The following NLRP5 variants were observed in gnomAD, a reference collection of about 807,000 sequenced individuals.
NLRP5 encodes NACHT, LRR and PYD domains-containing protein 5.
NLRP5 carries 93 observed loss-of-function variants against 113.1 expected under a neutral mutation model. The observed-to-expected ratio is 0.82, with a 90% CI of 0.70 to 0.98. The LOEUF (loss-of-function observed/expected upper bound fraction) is 0.98, where lower values mean the gene tolerates loss of function less well. Ranked by LOEUF, NLRP5 falls within the 50% of genes least tolerant of loss-of-function variation. NLRP5 has a pLI of 0.00. For synonymous variants in NLRP5, 751 were observed against 600.7 expected (o/e 1.25, Z -3.66); for missense variants, 1,808 against 1,514.3 (o/e 1.19, Z -3.22).
At position 56,031,492 on chromosome 19, in the gene NLRP5, A is replaced by G. The variant is rs948800206; in HGVS notation, c.2277-1119A>G. Among the ~76,000 whole-genome samples the G allele has an allele frequency of 1.4e-3, 215 of 152,036 alleles. 1 individual carries two copies. The highest frequency in any genetic ancestry group is 4.9e-3 in the African/African-American group (203 of 41,482). ...AAAAAAATACAAAAATTAGCCAGGC[A>G]TGGTGGTGGGCACCTGTAATCTCAG... is the stretch of plus-strand genomic sequence containing the variant. On this transcript the variant is annotated intron_variant, in intron 7 of 14. Coordinates refer to ENST00000390649, the MANE Select transcript of NLRP5 (RefSeq NM_153447.4).
At position 56,055,533 on chromosome 19, in the gene NLRP5, C is replaced by CTTTT. The variant is rs1491011983; in HGVS notation, c.3299+1726_3299+1727insTTTT. Among the ~76,000 whole-genome samples the CTTTT allele has an allele frequency of 7.6e-3, 759 of 99,486 alleles. 18 individuals carry two copies. Among genetic ancestry groups the CTTTT allele is most frequent in the Middle Eastern group, 0.015 (2 of 132 alleles). 65.3% of individuals were successfully genotyped at this position (99,486 alleles called of 152,430 possible). Reference sequence around the variant, plus strand: ...AGCTCCATGTTCTATTTTTCTTTCTCTGTCTTTTTTTTTTTTTTTTTTTTT... The same window carrying CTTTT: ...AGCTCCATGTTCTATTTTTCTTTCTCTTTTTGTCTTTTTTTTTTTTTTTTTTTTT... On this transcript the variant is annotated intron_variant, in intron 13 of 14. Transcript: ENST00000390649.
rs773991456 is a variant in NLRP5 at position 56,061,567 on chromosome 19, A to G, written c.*39A>G. On this transcript the variant is annotated 3_prime_UTR_variant, in exon 15 of 15. Coordinates refer to ENST00000390649, the MANE Select transcript of NLRP5 (RefSeq NM_153447.4). ...TGCCCCACTCACACCCATCTGATGG[A>G]GGAACTTTAAACGCTGTTTTCTCAG... 10 of 1,611,336 alleles carry G rather than the reference A, an allele frequency of 6.2e-6. No homozygotes were observed. In the Admixed American group the frequency reaches 1.3e-4, roughly 22 times the overall value.
At chr19:56,005,603 C>T (rs952481306) in intron 2 of NLRP5, among the ~76,000 whole-genome samples, 14 of 145,806 alleles carry the variant, frequency 9.6e-5, no homozygotes, top group Non-Finnish European at 1.9e-4. Context: ...AGGTGGCATG[C>T]CTGTACACAC....
At chr19:56,053,179 T>G (rs1052569675) in intron 12 of NLRP5, among the ~76,000 whole-genome samples, 1 of 152,120 alleles carries the variant, frequency 6.6e-6, no homozygotes, top group African/African-American at 2.4e-5. Context: ...GCGGATCACC[T>G]GAGGTCAGGA....
chr19:55,998,636 A>G (rs866364904), upstream of NLRP5, among the ~76,000 whole-genome samples: 21 of 144,584 alleles, frequency 1.5e-4, no homozygotes, highest in African/African-American at 5.5e-4. Flanking sequence ...CCGGGCGACA[A>G]TGCAAGCCTT....
intron 2 of NLRP5, among the ~76,000 whole-genome samples, chr19:56,005,616 A>C: frequency 6.9e-6 from 1 of 144,664 alleles, no homozygotes; most frequent in Non-Finnish European, 1.5e-5. Context: ...GTACACACAT[A>C]TATATTTATA....
At chr19:56,059,405 A>G (rs1022078422) in intron 14 of NLRP5, among the ~76,000 whole-genome samples, 6 of 152,244 alleles carry the variant, frequency 3.9e-5, no homozygotes, top group Non-Finnish European at 8.8e-5. Flanking sequence ...CCGTAGACTA[A>G]CAGGAGTTCA....
chr19:56,015,180 TGTTTTGTTTTC>T (rs1012978858), intron 3 of NLRP5, among the ~76,000 whole-genome samples: 24 of 152,246 alleles, frequency 1.6e-4, no homozygotes, highest in Non-Finnish European at 3.1e-4. Context: ...GTGGAGTGTT[TGTTTTGTTTTC>T]GTTTTGTTTT....
At chr19:56,015,222 CAG>C (rs1420189874) in intron 3 of NLRP5, among the ~76,000 whole-genome samples, 3 of 152,238 alleles carry the variant, frequency 2.0e-5, no homozygotes, top group African/African-American at 4.8e-5. Context: ...TTGTTTTTGA[CAG>C]AGTTTCACTC....
Position 56,038,113 on chromosome 19 carries a change from G to C in NLRP5, c.2704G>C (p.Ala902Pro). 1.2e-6 allele frequency: 2 copies of C among 1,613,974 alleles called. No homozygotes were observed. The highest frequency in any genetic ancestry group is 8.5e-7 in the Non-Finnish European group (1 of 1,179,878). Residue 902 changes from alanine to proline, a missense_variant, in exon 10 of 15, where the codon GCA becomes CCA. Ala to Pro is a conservative substitution (Grantham distance 27, BLOSUM62 -1). Transcript: ENST00000390649. ...CCCCAGCCTGAAATCTCTGAGCCTGGCAGGAAACAAGGTGACAGACCAGGG... is the reference window on the plus strand; with the variant it reads ...CCCCAGCCTGAAATCTCTGAGCCTGCCAGGAAACAAGGTGACAGACCAGGG...
chr19:56,015,213 T>C (rs1982358653), intron 3 of NLRP5, among the ~76,000 whole-genome samples: 1 of 152,214 alleles, frequency 6.6e-6, no homozygotes, highest in African/African-American at 2.4e-5. Flanking sequence ...TTTGTTTGTT[T>C]GTTTTTGACA....
chr19:56,057,104 C>G (rs1984184497), intron 13 of NLRP5, among the ~76,000 whole-genome samples: 1 of 152,192 alleles, frequency 6.6e-6, no homozygotes, highest in Non-Finnish European at 1.5e-5. Flanking sequence ...CCACCACACC[C>G]CAGCCTCAGC....
At chr19:56,021,338 G>A (rs1384349511) in intron 6 of NLRP5, among the ~76,000 whole-genome samples, 1 of 151,996 alleles carries the variant, frequency 6.6e-6, no homozygotes, top group Non-Finnish European at 1.5e-5. Flanking sequence ...GATATAATTA[G>A]GATTTTATAT....
At chr19:56,056,235 G>T (rs1984145280) in intron 13 of NLRP5, among the ~76,000 whole-genome samples, 1 of 152,102 alleles carries the variant, frequency 6.6e-6, no homozygotes, top group East Asian at 1.9e-4. Flanking sequence ...ACTATGATCT[G>T]CACCAGTACA....
At chr19:56,053,143 C>A (rs1313417811) in intron 12 of NLRP5, among the ~76,000 whole-genome samples, 1 of 151,886 alleles carries the variant, frequency 6.6e-6, no homozygotes, top group African/African-American at 2.4e-5. Flanking sequence ...AGCCTGTAAT[C>A]CCAGCACTTT....
intron 7 of NLRP5, among the ~76,000 whole-genome samples, chr19:56,032,232 C>T (rs1188575478): frequency 1.3e-5 from 2 of 148,332 alleles, no homozygotes; most frequent in Admixed American, 1.3e-4. Flanking sequence ...GTAGTCCCAG[C>T]TACTCGGGAG....
rs928527176 is a variant in NLRP5 at position 56,008,799 on chromosome 19, G to C, written c.454G>C (p.Glu152Gln). ...TCTTTGTCTTCCAGGACATTCACCA[G>C]AAGATCCTGAAGCAACGATGACTGA... The change falls in exon 3 of 15, where the codon GAA becomes CAA. Residue 152 changes from glutamate (E) to glutamine (Q), a missense_variant. Transcript: ENST00000390649. 6.2e-7 allele frequency: 1 copy of C among 1,610,774 alleles called. No individual in the cohort carries two copies.
At chr19:56,024,303 A>G (rs1221571791) in intron 6 of NLRP5, among the ~76,000 whole-genome samples, 1 of 149,162 alleles carries the variant, frequency 6.7e-6, no homozygotes, top group Non-Finnish European at 1.5e-5. Context: ...GGAGTTCAAC[A>G]CCAGCCTGGC....
At chr19:56,008,176 C>T (rs1406398230) in intron 2 of NLRP5, among the ~76,000 whole-genome samples, 1 of 151,682 alleles carries the variant, frequency 6.6e-6, no homozygotes, top group African/African-American at 2.4e-5. Context: ...GATCCACCTG[C>T]CTCAGCCTCC....
Sources: allele counts gnomAD v4.1 joint callset (sites outside exome capture counted in the v4.1 genomes callset), GRCh38; gene constraint gnomAD v4.1.1; transcripts MANE v1.5; gene names NCBI Gene and HGNC (gene_info 2026-07-23, HGNC 2026-07-21).